Variants in SENP6 observed in about 807,000 individuals in gnomAD.
SENP6 encodes the protein sentrin-specific protease 6.
In SENP6, 41 loss-of-function variants were observed where a neutral mutation model predicts 134.5. The observed-to-expected ratio is 0.30, with a 90% CI of 0.24 to 0.40. SENP6 has a LOEUF of 0.40. Ranked by LOEUF, SENP6 falls within the 10% of genes least tolerant of loss-of-function variation. SENP6 has a pLI of 1.00. For synonymous variants in SENP6, 395 were observed against 429.8 expected, an observed-to-expected ratio of 0.92 and a Z score of 1.00; for missense variants, 1,248 against 1,312.5, an observed-to-expected ratio of 0.95 and a Z score of 0.76.
intron 16 of SENP6, among the ~76,000 whole-genome samples, chr6:75,681,493 C>G (rs1259884234): frequency 1.3e-5 from 2 of 150,236 alleles, no homozygotes; most frequent in Non-Finnish European, 3.0e-5. Context: ...GAGTCTTGCT[C>G]TCTCACCCAG....
At chr6:75,647,296 T>C (rs1461554358) in intron 6 of SENP6, 1 of 154,504 alleles carries the variant, frequency 6.5e-6, no homozygotes, top group Non-Finnish European at 1.4e-5. Flanking sequence ...ACTTAGTTAC[T>C]AAGGATTATG....
chr6:75,692,652 G>A (rs1408242030), intron 16 of SENP6, among the ~76,000 whole-genome samples: 2 of 151,940 alleles, frequency 1.3e-5, no homozygotes, highest in African/African-American at 4.8e-5. Context: ...CACAGGCTGG[G>A]TGTGGTGGCT....
intron 18 of SENP6, 63 bp from the exon 19 acceptor site, chr6:75,702,581 TG>T: frequency 1.5e-6 from 2 of 1,354,672 alleles, no homozygotes; most frequent in Non-Finnish European, 2.0e-6. Context: ...TTAATTGATA[TG>T]TATTGCCAAA....
At chr6:75,710,590 A>G (rs1366290648) in intron 20 of SENP6, among the ~76,000 whole-genome samples, 3 of 152,212 alleles carry the variant, frequency 2.0e-5, no homozygotes, top group East Asian at 1.9e-4. Flanking sequence ...TAGCTTTTCA[A>G]TCCAACATAT....
At chr6:75,604,964 T>G (rs1422409582) in intron 1 of SENP6, among the ~76,000 whole-genome samples, 1 of 152,000 alleles carries the variant, frequency 6.6e-6, no homozygotes, top group African/African-American at 2.4e-5. Context: ...TCCCAACTAC[T>G]CGGGAGGCTG....
intron 19 of SENP6, among the ~76,000 whole-genome samples, chr6:75,707,361 T>G (rs1775471756): frequency 2.3e-5 from 2 of 86,302 alleles, no homozygotes; most frequent in Non-Finnish European, 4.4e-5. Flanking sequence ...TCTTCTTTTT[T>G]TTTTTTTTTT....
At chr6:75,673,973 A>AT (rs1772883621) in intron 11 of SENP6, among the ~76,000 whole-genome samples, 1 of 151,962 alleles carries the variant, frequency 6.6e-6, no homozygotes, top group Non-Finnish European at 1.5e-5. Flanking sequence ...GTGAGCCAAG[A>AT]TTGTGCCACT....
intron 1 of SENP6, among the ~76,000 whole-genome samples, chr6:75,616,528 C>T (rs1767857420): frequency 6.6e-6 from 1 of 152,032 alleles, no homozygotes; most frequent in Non-Finnish European, 1.5e-5. Context: ...GCGGGTGGAT[C>T]ACAAGGTCAG....
rs1022611050 is a variant in SENP6, at chr6:75,602,081, C to G, written c.-444C>G. On this transcript the variant is annotated 5_prime_UTR_variant, in exon 1 of 24. Coordinates refer to ENST00000447266, the MANE Select transcript of SENP6 (RefSeq NM_015571.4). ...GACGGTCGCAGAGACCTCGCCGCTC[C>G]GGCGCGGCGGGTGCGGCCATTTTAC... The G allele has an allele frequency of 7.0e-5, 11 of 157,796 alleles. No homozygotes were observed. Among genetic ancestry groups the G allele is most frequent in the African/African-American group, 2.6e-4 (11 of 41,540 alleles). The allele number at this position is 157,796 out of a possible 1,614,324, so 9.8% of individuals were successfully genotyped here. A position where few individuals can be genotyped will look rare whatever the true frequency, so the allele number is the denominator to read the frequency against.
chr6:75,648,473 G>C (rs2149850072), intron 7 of SENP6, among the ~76,000 whole-genome samples: 1 of 151,962 alleles, frequency 6.6e-6, no homozygotes, highest in East Asian at 1.9e-4. Context: ...TTAAAAGCTA[G>C]GTTTTTCTGA....
Position 75,641,776 on chromosome 6 carries a change from C to T in SENP6, c.479+1072C>T, listed in dbSNP as rs915601303. On this transcript the variant is annotated intron_variant, in intron 6 of 23. Transcript: ENST00000447266. ...GAGTATCTCTTGAGCCCAGGAGTTCCAGACTAGCCTTGGCAACATAGGAAG... is the reference window on the plus strand; with the variant it reads ...GAGTATCTCTTGAGCCCAGGAGTTCTAGACTAGCCTTGGCAACATAGGAAG... Among the ~76,000 whole-genome samples the T allele has an allele frequency of 1.6e-4, 24 of 151,960 alleles. 1 individual carries two copies.
chr6:75,679,237 G>C (rs919765114), intron 16 of SENP6: 2 of 229,600 alleles, frequency 8.7e-6, no homozygotes, highest in Non-Finnish European at 1.7e-5. Flanking sequence ...AACAAAGTGA[G>C]ACCTTGTCTC....
chr6:75,678,551 C>A, intron 14 of SENP6, 32 bp from the exon 15 acceptor site: 1 of 1,027,898 alleles, frequency 9.7e-7, no homozygotes, highest in Non-Finnish European at 1.5e-6. Context: ...TCCTAATTGA[C>A]TGTAAATTGC....
Position 75,666,742 on chromosome 6 carries a change from A to G in SENP6, c.1025A>G (p.Asn342Ser). The G allele has an allele frequency of 1.3e-6, 2 of 1,587,086 alleles. No individual in the cohort carries two copies. The highest frequency in any genetic ancestry group is 1.7e-6 in the Non-Finnish European group (2 of 1,162,324). Residue 342 changes from asparagine (N) to serine (S), a missense_variant, in exon 10 of 24, where the codon AAC becomes AGC. Coordinates refer to ENST00000447266, the MANE Select transcript of SENP6 (RefSeq NM_015571.4). ...TTGTCCAGTGATGATGATGATGACA[A>G]CGACAGAACTAACAGAAGAGAAAGC... ...IILSSDDDDD[N>S]DRTNRRESIS... is the part of the protein sequence containing the mutation.
intron 12 of SENP6, 152 bp downstream of exon 12, chr6:75,675,620 T>C: frequency 1.5e-6 from 1 of 682,416 alleles, no homozygotes; most frequent in Non-Finnish European, 2.4e-6. Flanking sequence ...CTTGGTGTAA[T>C]TTCATTCAGA....
intron 5 of SENP6, among the ~76,000 whole-genome samples, chr6:75,639,754 T>C (rs113104552): frequency 0.011 from 1,619 of 152,310 alleles, 9 homozygotes; most frequent in Non-Finnish European, 0.017. Context: ...TTTTAAATTA[T>C]AGGCTTTTCC....
chr6:75,625,448 T>C (rs949439560), intron 3 of SENP6, among the ~76,000 whole-genome samples: 3 of 152,128 alleles, frequency 2.0e-5, no homozygotes, highest in African/African-American at 7.2e-5. Context: ...TTTTCACTAG[T>C]CTTTTGTCTT....
At chr6:75,664,777 C>G (rs1772066462) in intron 9 of SENP6, among the ~76,000 whole-genome samples, 5 of 152,176 alleles carry the variant, frequency 3.3e-5, no homozygotes, top group Admixed American at 3.3e-4. Flanking sequence ...GTTTGAAATA[C>G]TAATAAAGTC....
intron 16 of SENP6, among the ~76,000 whole-genome samples, chr6:75,693,278 G>T (rs1037027160): frequency 2.6e-5 from 4 of 151,872 alleles, no homozygotes; most frequent in Non-Finnish European, 4.4e-5. Context: ...GGTGGAGGGT[G>T]CCTGCAGTCC....
Sources: allele counts gnomAD v4.1 joint callset (sites outside exome capture counted in the v4.1 genomes callset), GRCh38; gene constraint gnomAD v4.1.1; transcripts MANE v1.5; gene names NCBI Gene and HGNC (gene_info 2026-07-23, HGNC 2026-07-21).